NSMCE1: variants seen among roughly 807,000 people sequenced by gnomAD.
NSMCE1 encodes the protein NSE1 component of SMC5/6 complex.
In NSMCE1, 18 loss-of-function variants were observed where a neutral mutation model predicts 29.6. That is an observed-to-expected ratio of 0.61 (90% CI 0.42 to 0.90). NSMCE1 has a LOEUF of 0.90. NSMCE1 is among the 40% of genes least tolerant of loss of function. The pLI is 0.00. For missense variants in NSMCE1, 314 were observed against 343.6 expected, an observed-to-expected ratio of 0.91 and a Z score of 0.68; for synonymous variants, 124 against 133.4, an observed-to-expected ratio of 0.93 and a Z score of 0.49.
At chr16:27,246,941 T>C (rs2083964415) in intron 2 of NSMCE1, among the ~76,000 whole-genome samples, 1 of 148,880 alleles carries the variant, frequency 6.7e-6, no homozygotes, top group Non-Finnish European at 1.5e-5. Flanking sequence ...ACAACACCGC[T>C]TCCATATTAT....
chr16:27,263,503 T>C (rs537726876), intron 1 of NSMCE1, among the ~76,000 whole-genome samples: 98 of 152,222 alleles, frequency 6.4e-4, no homozygotes, highest in African/African-American at 2.2e-3. Context: ...TGAAAACTTA[T>C]GAACACAAGG....
At chr16:27,234,389 T>TG (rs1361640515) in intron 3 of NSMCE1, 124 bp from the exon 4 acceptor site, 8 of 733,586 alleles carry the variant, frequency 1.1e-5, no homozygotes, top group Non-Finnish European at 2.0e-5. Flanking sequence ...ATCCAGGCAC[T>TG]GCGGGCCGCA....
chr16:27,263,680 G>T (rs1001759575), intron 1 of NSMCE1, among the ~76,000 whole-genome samples: 1 of 152,154 alleles, frequency 6.6e-6, no homozygotes, highest in African/African-American at 2.4e-5. Flanking sequence ...CTTCACGTGT[G>T]CTGCCAAACC....
rs769846280 is a variant in NSMCE1 at position 27,225,723 on chromosome 16, C to G, written c.721+3G>C. 26 of 1,613,972 alleles carry G rather than the reference C, an allele frequency of 1.6e-5. No homozygotes were observed. In the South Asian group the frequency reaches 2.9e-4, roughly 18 times the overall value. ...TCCCATGAGCTCCTCAGGGCCCACGCACTTGGGATCTCGTGGGGCCAGTAG... is the reference window on the plus strand; with the variant it reads ...TCCCATGAGCTCCTCAGGGCCCACGGACTTGGGATCTCGTGGGGCCAGTAG... On this transcript the variant is annotated splice_donor_region_variant and intron_variant, in intron 7 of 7. Coordinates refer to ENST00000361439, the MANE Select transcript of NSMCE1 (RefSeq NM_145080.4).
At chr16:27,230,359 CA>C (rs1288046086) in intron 5 of NSMCE1, among the ~76,000 whole-genome samples, 5 of 152,170 alleles carry the variant, frequency 3.3e-5, no homozygotes. Flanking sequence ...AAGGATCAGA[CA>C]CTGACATGTG....
intron 2 of NSMCE1, among the ~76,000 whole-genome samples, chr16:27,252,668 C>T (rs2141005768): frequency 6.6e-6 from 1 of 152,326 alleles, no homozygotes; most frequent in East Asian, 1.9e-4. Context: ...CCTGTAATCC[C>T]AGCACTTGGG....
chr16:27,226,112 T>G, intron 6 of NSMCE1: 1 of 354,492 alleles, frequency 2.8e-6, no homozygotes, highest in Non-Finnish European at 5.2e-6. Flanking sequence ...TGCACTCAGA[T>G]CCTGCAGGTG....
chr16:27,251,207 T>TATATATAAAA (rs1555477430), intron 2 of NSMCE1, among the ~76,000 whole-genome samples: 6 of 70,770 alleles, frequency 8.5e-5, no homozygotes, highest in African/African-American at 2.7e-4. Flanking sequence ...TATATATATA[T>TATATATAAAA]AAAACTCTGT....
intron 1 of NSMCE1, among the ~76,000 whole-genome samples, chr16:27,266,804 TC>T (rs2084231162): frequency 6.6e-6 from 1 of 152,138 alleles, no homozygotes; most frequent in Admixed American, 6.5e-5. Flanking sequence ...AGATTTTTTT[TC>T]TAAGTATATG....
chr16:27,238,194 C>T (rs1244925060), intron 2 of NSMCE1, among the ~76,000 whole-genome samples: 3 of 152,214 alleles, frequency 2.0e-5, no homozygotes, highest in African/African-American at 4.8e-5. Flanking sequence ...CCTGCCCTCC[C>T]GCTCTGTGGG....
In NSMCE1 at chr16:27,257,494, C is replaced by T; in HGVS notation, c.77G>A (p.Gly26Asp). The change falls in exon 2 of 8, where the codon GGC becomes GAC. Residue 26 changes from glycine (G) to aspartate (D), a missense_variant. Coordinates refer to ENST00000361439, the MANE Select transcript of NSMCE1 (RefSeq NM_145080.4). ...CTTCACGTCCCATTCCTCTAGCACG[C>T]CATGGGTCATCAGCAACTGGAGGAA... ...RRFLQLLMTH[G>D]VLEEWDVKRL... 6.2e-7 allele frequency: 1 copy of T among 1,613,932 alleles called. No homozygotes were observed. Among genetic ancestry groups the T allele is most frequent in the Admixed American group, 1.7e-5 (1 of 60,002 alleles).
At chr16:27,247,888 T>C (rs570959938) in intron 2 of NSMCE1, among the ~76,000 whole-genome samples, 1 of 151,578 alleles carries the variant, frequency 6.6e-6, no homozygotes, top group African/African-American at 2.4e-5. Context: ...GATTGCGCCA[T>C]TGCAATCCAG....
chr16:27,228,685 A>G (rs1403920445), intron 5 of NSMCE1, among the ~76,000 whole-genome samples: 1 of 39,766 alleles, frequency 2.5e-5, no homozygotes, highest in African/African-American at 1.1e-4. Flanking sequence ...GATCCATCAC[A>G]GCACCCCACA....
At chr16:27,257,680 C>T (rs1188126284) in intron 1 of NSMCE1, 99 bp from the exon 2 acceptor site, 1 of 1,082,362 alleles carries the variant, frequency 9.2e-7, no homozygotes, top group African/African-American at 1.6e-5. Context: ...AATTTGCTAT[C>T]ATTTTTAAAA....
chr16:27,234,262 T>C lies in NSMCE1; in HGVS notation c.262A>G (p.Asn88Asp), dbSNP rs1323640357. The C allele has an allele frequency of 1.2e-6, 2 of 1,610,060 alleles. No homozygotes were observed. The highest frequency in any genetic ancestry group is 2.2e-5 in the South Asian group (2 of 90,998). The change falls in exon 4 of 8, where the codon AAT (asparagine) becomes GAT (aspartate). Residue 88 changes from asparagine (N) to aspartate (D), a missense_variant. Transcript: ENST00000361439. ...TTGGAAATTGAAGTTGTAGCAAGAT[T>C]CACCTAAGAAATAAGTCAGCACGAC... Reference protein sequence around the residue: ...DDGRPIYALVNLATTSISKMA... With the variant: ...DDGRPIYALVDLATTSISKMA...
chr16:27,251,471 T>C (rs2084035021), intron 2 of NSMCE1, among the ~76,000 whole-genome samples: 1 of 152,154 alleles, frequency 6.6e-6, no homozygotes, highest in Non-Finnish European at 1.5e-5. Context: ...AAACCCTACT[T>C]GGTTATGTCG....
chr16:27,254,524 A>C (rs2084064989), intron 2 of NSMCE1, among the ~76,000 whole-genome samples: 1 of 152,248 alleles, frequency 6.6e-6, no homozygotes, highest in Admixed American at 6.5e-5. Flanking sequence ...CAAGACTCAC[A>C]GGAGAAAAAA....
Position 27,234,191 on chromosome 16 carries a change from CT to C in NSMCE1, c.332del (p.Lys111ArgfsTer5). 1 of 1,609,376 alleles carries C rather than the reference CT, an allele frequency of 6.2e-7. No individual in the cohort carries two copies. The highest frequency in any genetic ancestry group is 8.5e-7 in the Non-Finnish European group (1 of 1,175,588). On this transcript the variant is annotated frameshift_variant, in exon 4 of 8. Coordinates refer to ENST00000361439, the MANE Select transcript of NSMCE1 (RefSeq NM_145080.4). LOFTEE classifies it high-confidence loss of function. ...CAATGGGGATTACTCTACTTACAGC[CT>C]TTCTAAACAAATCCAGTTCATTCTC... ...FAENELDLFR[K>X]ALELIIDSET...
At chr16:27,245,711 C>T (rs1567279100) in intron 2 of NSMCE1, among the ~76,000 whole-genome samples, 1 of 152,218 alleles carries the variant, frequency 6.6e-6, no homozygotes, top group Non-Finnish European at 1.5e-5. Flanking sequence ...TCGAGTCACA[C>T]GTTAGATGTT....
Sources: allele counts gnomAD v4.1 joint callset (sites outside exome capture counted in the v4.1 genomes callset), GRCh38; gene constraint gnomAD v4.1.1; transcripts MANE v1.5; gene names NCBI Gene and HGNC (gene_info 2026-07-23, HGNC 2026-07-21).